SPPL2C: variants seen among roughly 807,000 people sequenced by gnomAD.
SPPL2C encodes the protein signal peptide peptidase-like 2C.
SPPL2C carries 33 observed loss-of-function variants against 38.8 expected under a neutral mutation model. That is an observed-to-expected ratio of 0.85 (90% confidence interval 0.64 to 1.14). SPPL2C has a LOEUF of 1.14. Among genes scored for constraint, SPPL2C ranks in the 50% most tolerant of loss-of-function variants. SPPL2C has a pLI of 0.00. For missense variants in SPPL2C, 899 were observed against 904.4 expected (o/e 0.99, Z 0.08); for synonymous variants, 384 against 390.7 (o/e 0.98, Z 0.20).
rs748704800 is a variant in SPPL2C at position 45,846,750 on chromosome 17, C to G, written c.1844C>G (p.Pro615Arg). The G allele has an allele frequency of 1.5e-5, 25 of 1,614,074 alleles. No homozygotes were observed. In the Middle Eastern group the frequency reaches 4.9e-4, roughly 32 times the overall value. ...SDAHLDPNELPFIPPGASEEL... is the reference protein window; with the variant it reads ...SDAHLDPNELRFIPPGASEEL... ...GCCCACTTGGATCCTAATGAGCTGC[C>G]CTTCATCCCCCCTGGGGCCTCGGAG... Residue 615 changes from proline to arginine, a missense_variant, in exon 1 of 1, where the codon CCC becomes CGC. Physicochemically the swap from Pro to Arg is moderately radical, Grantham distance 103. Transcript: ENST00000329196.
rs146054714 is a variant in SPPL2C at position 45,845,565 on chromosome 17, G to A, written c.659G>A (p.Arg220Lys). The change falls in exon 1 of 1, where the codon AGA (arginine) becomes AAA (lysine). Residue 220 changes from arginine to lysine, a missense_variant. Physicochemically the swap from Arg to Lys is conservative, Grantham distance 26. Transcript: ENST00000329196. ...CGGCTACAGCGGCGCCGTGCCCGAAGAGGAGGGGGGTCTGGTGGTCACCAT... is the reference window on the plus strand; with the variant it reads ...CGGCTACAGCGGCGCCGTGCCCGAAAAGGAGGGGGGTCTGGTGGTCACCAT... ...ANRLQRRRAR[R>K]GGGSGGHHQL... The A allele has an allele frequency of 1.2e-6, 2 of 1,603,788 alleles. No homozygotes were observed. The highest frequency in any genetic ancestry group is 2.7e-5 in the African/African-American group (2 of 74,794).
In SPPL2C at chr17:45,846,030, G is replaced by T. The variant is rs141910280; in HGVS notation, c.1124G>T (p.Cys375Phe). The T allele has an allele frequency of 5.0e-6, 8 of 1,614,042 alleles. No homozygotes were observed. The highest frequency in any genetic ancestry group is 6.8e-6 in the Non-Finnish European group (8 of 1,180,030). ...GTGCGGCTGCCCACTCTCAAGAACT[G>T]CTCCTCCTTCCTGCTGGCCCTGCTG... Reference protein sequence around the residue: ...HRVRLPTLKNCSSFLLALLAF... With the variant: ...HRVRLPTLKNFSSFLLALLAF... The change falls in exon 1 of 1, where the codon TGC becomes TTC. Residue 375 changes from cysteine (C) to phenylalanine (F), a missense_variant. Transcript: ENST00000329196.
At position 45,845,950 on chromosome 17, in the gene SPPL2C, G is replaced by A. The variant is rs377723590; in HGVS notation, c.1044G>A (p.Ala348=). The change falls in exon 1 of 1, where the codon GCG becomes GCA. Residue 348 remains alanine, a synonymous_variant. Transcript: ENST00000329196. ...CCTACCGCAATGAGGACCGCTGGGCGTGGCTCCTGCAGGACACACTGGGCA... is the reference window on the plus strand; with the variant it reads ...CCTACCGCAATGAGGACCGCTGGGCATGGCTCCTGCAGGACACACTGGGCA... The part of the protein sequence containing the change: ...WVAYRNEDRW[A]WLLQDTLGIS... 3.3e-5 allele frequency: 53 copies of A among 1,610,356 alleles called. No individual in the cohort carries two copies. The highest frequency in any genetic ancestry group is 4.5e-5 in the East Asian group (2 of 44,896).
Position 45,845,600 on chromosome 17 carries a change from G to A in SPPL2C, c.694G>A (p.Glu232Lys). 2 of 1,609,560 alleles carry A rather than the reference G, an allele frequency of 1.2e-6. No individual in the cohort carries two copies. Among genetic ancestry groups the A allele is most frequent in the African/African-American group, 1.3e-5 (1 of 75,008 alleles). ...GGSGGHHQLQEAAAAEGAQKE... is the reference protein window; with the variant it reads ...GGSGGHHQLQKAAAAEGAQKE... ...GTCTGGTGGTCACCATCAGCTGCAG[G>A]AAGCTGCAGCAGCTGAGGGAGCCCA... Residue 232 changes from glutamate (E) to lysine (K), a missense_variant, in exon 1 of 1, where the codon GAA becomes AAA. Physicochemically the swap from Glu to Lys is moderately conservative, Grantham distance 56. Transcript: ENST00000329196.
chr17:45,846,724 C>G lies in SPPL2C; in HGVS notation c.1818C>G (p.Asp606Glu), dbSNP rs374530875. 1 of 1,614,206 alleles carries G rather than the reference C, an allele frequency of 6.2e-7. No individual in the cohort carries two copies. Among genetic ancestry groups the G allele is most frequent in the Non-Finnish European group, 8.5e-7 (1 of 1,180,050 alleles). Residue 606 changes from aspartate (D) to glutamate (E), a missense_variant, in exon 1 of 1, where the codon GAC becomes GAG. By Grantham distance (45) the Asp-to-Glu change is conservative (BLOSUM62 2). Coordinates refer to ENST00000329196, the MANE Select transcript of SPPL2C (RefSeq NM_175882.3). Reference sequence around the variant, plus strand: ...GTGATAGCTCCGAGGGCTGGAGTGACGCCCACTTGGATCCTAATGAGCTGC... The same window carrying G: ...GTGATAGCTCCGAGGGCTGGAGTGAGGCCCACTTGGATCCTAATGAGCTGC... ...DRSDSSEGWSDAHLDPNELPF... is the reference protein window; with the variant it reads ...DRSDSSEGWSEAHLDPNELPF...
chr17:45,845,065 G>A lies in SPPL2C; in HGVS notation c.159G>A (p.Leu53=). Residue 53 remains leucine, a synonymous_variant, in exon 1 of 1, where the codon CTG becomes CTA. Transcript: ENST00000329196. The part of the protein sequence containing the change: ...SSDYITLPRD[L]HHAPLLPLYD... ...ACTACATCACCCTCCCCCGGGACCT[G>A]CACCACGCCCCACTCCTGCCCCTGT... 6.2e-7 allele frequency: 1 copy of A among 1,614,058 alleles called. No homozygotes were observed. The highest frequency in any genetic ancestry group is 8.5e-7 in the Non-Finnish European group (1 of 1,179,974).
Position 45,845,844 on chromosome 17 carries a change from C to T in SPPL2C, c.938C>T (p.Pro313Leu), listed in dbSNP as rs1248867414. ...TCCCTGCGGCAATACCAGAGGCCTCCGCACAGCCTCTGGGCCTCTCTGCCG... is the reference window on the plus strand; with the variant it reads ...TCCCTGCGGCAATACCAGAGGCCTCTGCACAGCCTCTGGGCCTCTCTGCCG... The part of the protein sequence containing the change: ...RLSLRQYQRP[P>L]HSLWASLPLP... Residue 313 changes from proline to leucine, a missense_variant, in exon 1 of 1, where the codon CCG becomes CTG. By Grantham distance (98) the Pro-to-Leu change is moderately conservative. Coordinates refer to ENST00000329196, the MANE Select transcript of SPPL2C (RefSeq NM_175882.3). 9 of 1,606,020 alleles carry T rather than the reference C, an allele frequency of 5.6e-6. No homozygotes were observed. In the Admixed American group the frequency reaches 6.7e-5, roughly 12 times the overall value.
In SPPL2C at chr17:45,845,698, C is replaced by T; in HGVS notation, c.792C>T (p.Cys264=). The T allele has an allele frequency of 6.2e-7, 1 of 1,613,834 alleles. No individual in the cohort carries two copies. The highest frequency in any genetic ancestry group is 8.5e-7 in the Non-Finnish European group (1 of 1,180,042). The change falls in exon 1 of 1, where the codon TGC becomes TGT. Residue 264 remains cysteine, a synonymous_variant. Transcript: ENST00000329196. ...CAGGCGTGGTGGTCACCCTGTCCTG[C>T]TCGCTCATGCTGCTGCTCTACTTCT... is the stretch of plus-strand genomic sequence containing the variant. The part of the protein sequence containing the change: ...AMTGVVVTLS[C]SLMLLLYFFY...
Position 45,845,690 on chromosome 17 carries a change from C to A in SPPL2C, c.784C>A (p.Leu262Met), listed in dbSNP as rs1182022665. ...TPAMTGVVVT[L>M]SCSLMLLLYF... The stretch of plus-strand genomic sequence containing the variant: ...GGCCATGACAGGCGTGGTGGTCACC[C>A]TGTCCTGCTCGCTCATGCTGCTGCT... The change falls in exon 1 of 1, where the codon CTG becomes ATG. Residue 262 changes from leucine to methionine, a missense_variant. By Grantham distance (15) the Leu-to-Met change is conservative. Transcript: ENST00000329196. 2 of 1,613,826 alleles carry A rather than the reference C, an allele frequency of 1.2e-6. No homozygotes were observed. The highest frequency in any genetic ancestry group is 8.5e-7 in the Non-Finnish European group (1 of 1,180,036).
Position 45,846,317 on chromosome 17 carries a change from A to G in SPPL2C, c.1411A>G (p.Ile471Val), listed in dbSNP as rs12185268. ...RFDVQVCSRQ[I>V]YFVACTVAYA... ...TGATGTGCAAGTCTGCTCCCGTCAG[A>G]TCTACTTCGTGGCCTGCACCGTGGC... The change falls in exon 1 of 1, where the codon ATC (isoleucine) becomes GTC (valine). Residue 471 changes from isoleucine (I) to valine (V), a missense_variant. Physicochemically the swap from Ile to Val is conservative, Grantham distance 29. Coordinates refer to ENST00000329196, the MANE Select transcript of SPPL2C (RefSeq NM_175882.3). 0.19 allele frequency: 304,589 copies of G among 1,613,976 alleles called. 32,784 individuals are homozygous for G. Among genetic ancestry groups the G allele is most frequent in the Non-Finnish European group, 0.22 (261,366 of 1,179,982 alleles).
In SPPL2C at chr17:45,846,795, C is replaced by T. The variant is rs917394476; in HGVS notation, c.1889C>T (p.Pro630Leu). Residue 630 changes from proline to leucine, a missense_variant, in exon 1 of 1, where the codon CCA becomes CTA. Physicochemically the swap from Pro to Leu is moderately conservative, Grantham distance 98. Transcript: ENST00000329196. ...GASEELMPLM[P>L]MAMLIPLMPL... ...TCGGAGGAGCTGATGCCACTGATGC[C>T]AATGGCCATGCTGATCCCACTCATG... 2 of 1,613,996 alleles carry T rather than the reference C, an allele frequency of 1.2e-6. No individual in the cohort carries two copies. Among genetic ancestry groups the T allele is most frequent in the Non-Finnish European group, 1.7e-6 (2 of 1,180,014 alleles).
Position 45,845,917 on chromosome 17 carries a change from C to T in SPPL2C, c.1011C>T (p.Phe337=). Residue 337 remains phenylalanine (F), a synonymous_variant, in exon 1 of 1, where the codon TTC becomes TTT. Coordinates refer to ENST00000329196, the MANE Select transcript of SPPL2C (RefSeq NM_175882.3). ...LASLCATVII[F]WVAYRNEDRW... is the part of the protein sequence containing the mutation. Reference sequence around the variant, plus strand: ...GCCTGTGCGCAACCGTGATCATCTTCTGGGTGGCCTACCGCAATGAGGACC... The same window carrying T: ...GCCTGTGCGCAACCGTGATCATCTTTTGGGTGGCCTACCGCAATGAGGACC... The T allele has an allele frequency of 1.9e-6, 3 of 1,607,892 alleles. No individual in the cohort carries two copies. Among genetic ancestry groups the T allele is most frequent in the Non-Finnish European group, 2.5e-6 (3 of 1,180,014 alleles).
In SPPL2C at chr17:45,844,930, C is replaced by T; in HGVS notation, c.24C>T (p.Leu8=). The T allele has an allele frequency of 6.2e-7, 1 of 1,609,022 alleles. No individual in the cohort carries two copies. The highest frequency in any genetic ancestry group is 8.5e-7 in the Non-Finnish European group (1 of 1,176,260). The change falls in exon 1 of 1, where the codon CTC becomes CTT. Residue 8 remains leucine (L), a synonymous_variant. Transcript: ENST00000329196. Reference sequence around the variant, plus strand: ...AGATGGCGTGCCTGGGCTTCCTCCTCCCCGTGGGCTTCCTCCTCCTCATCA... The same window carrying T: ...AGATGGCGTGCCTGGGCTTCCTCCTTCCCGTGGGCTTCCTCCTCCTCATCA... MACLGFL[L]PVGFLLLIST...
chr17:45,846,907 C>G lies in SPPL2C; in HGVS notation c.2001C>G (p.His667Gln). The G allele has an allele frequency of 6.3e-7, 1 of 1,596,378 alleles. No homozygotes were observed. The change falls in exon 1 of 1, where the codon CAC (histidine) becomes CAG (glutamine). Residue 667 changes from histidine to glutamine, a missense_variant. Coordinates refer to ENST00000329196, the MANE Select transcript of SPPL2C (RefSeq NM_175882.3). The part of the protein sequence containing the change: ...HETGLPWAGL[H>Q]KRKGLKVRKS... ...CTGGCCTGCCCTGGGCGGGACTCCA[C>G]AAGAGGAAGGGTTTGAAAGTAAGAA... is the stretch of plus-strand genomic sequence containing the variant.
rs771077476 is a variant in SPPL2C at position 45,846,692 on chromosome 17, G to A, written c.1786G>A (p.Asp596Asn). Reference protein sequence around the residue: ...ISENEATNPEDRSDSSEGWSD... With the variant: ...ISENEATNPENRSDSSEGWSD... ...TGAGAATGAAGCCACCAATCCAGAG[G>A]ACCGCAGTGATAGCTCCGAGGGCTG... Residue 596 changes from aspartate to asparagine, a missense_variant, in exon 1 of 1, where the codon GAC becomes AAC. Coordinates refer to ENST00000329196, the MANE Select transcript of SPPL2C (RefSeq NM_175882.3). The A allele has an allele frequency of 6.2e-6, 10 of 1,614,206 alleles. No homozygotes were observed. In the East Asian group the frequency reaches 1.6e-4, roughly 25 times the overall value.
At position 45,845,894 on chromosome 17, in the gene SPPL2C, C is replaced by A. The variant is rs369966982; in HGVS notation, c.988C>A (p.Leu330Met). 1 of 1,606,500 alleles carries A rather than the reference C, an allele frequency of 6.2e-7. No homozygotes were observed. The highest frequency in any genetic ancestry group is 2.2e-5 in the East Asian group (1 of 44,874). Reference sequence around the variant, plus strand: ...GCTGCCTCTGCTGCTGCTGGCGAGCCTGTGCGCAACCGTGATCATCTTCTG... The same window carrying A: ...GCTGCCTCTGCTGCTGCTGGCGAGCATGTGCGCAACCGTGATCATCTTCTG... Reference protein sequence around the residue: ...LPLPLLLLASLCATVIIFWVA... With the variant: ...LPLPLLLLASMCATVIIFWVA... The change falls in exon 1 of 1, where the codon CTG becomes ATG. Residue 330 changes from leucine to methionine, a missense_variant. Physicochemically the swap from Leu to Met is conservative, Grantham distance 15 (BLOSUM62 2). Coordinates refer to ENST00000329196, the MANE Select transcript of SPPL2C (RefSeq NM_175882.3).
At position 45,846,113 on chromosome 17, in the gene SPPL2C, A is replaced by G; in HGVS notation, c.1207A>G (p.Ile403Val). Residue 403 changes from isoleucine to valine, a missense_variant, in exon 1 of 1, where the codon ATC (isoleucine) becomes GTC (valine). By Grantham distance (29) the Ile-to-Val change is conservative. Coordinates refer to ENST00000329196, the MANE Select transcript of SPPL2C (RefSeq NM_175882.3). ...TPFFTKTGES[I>V]MAQVALGPAE... ...CTTCTTCACCAAAACCGGTGAGAGC[A>G]TCATGGCGCAGGTTGCCTTGGGCCC... is the stretch of plus-strand genomic sequence containing the variant. 6.2e-7 allele frequency: 1 copy of G among 1,614,122 alleles called. No homozygotes were observed. Among genetic ancestry groups the G allele is most frequent in the Non-Finnish European group, 8.5e-7 (1 of 1,180,014 alleles).
At position 45,844,912 on chromosome 17, in the gene SPPL2C, G is replaced by C; in HGVS notation, c.6G>C (p.Ala2=). Residue 2 remains alanine, a synonymous_variant, in exon 1 of 1, where the codon GCG becomes GCC. Transcript: ENST00000329196. M[A]CLGFLLPVGF... is the part of the protein sequence containing the mutation. ...TGCAGTAGGAACTGAAGAAGATGGC[G>C]TGCCTGGGCTTCCTCCTCCCCGTGG... is the stretch of plus-strand genomic sequence containing the variant. The C allele has an allele frequency of 6.2e-7, 1 of 1,601,150 alleles. No homozygotes were observed. The highest frequency in any genetic ancestry group is 8.5e-7 in the Non-Finnish European group (1 of 1,170,826).
chr17:45,846,432 T>G lies in SPPL2C; in HGVS notation c.1526T>G (p.Leu509Arg). 2 of 1,613,212 alleles carry G rather than the reference T, an allele frequency of 1.2e-6. No individual in the cohort carries two copies. The highest frequency in any genetic ancestry group is 1.7e-6 in the Non-Finnish European group (2 of 1,180,032). ...PALLYLVSST[L>R]LTSLAVAACR... ...TTGCTCTACCTAGTGTCCAGCACCC[T>G]GCTCACCAGCCTGGCTGTGGCTGCC... Residue 509 changes from leucine to arginine, a missense_variant, in exon 1 of 1, where the codon CTG becomes CGG. Transcript: ENST00000329196.
Sources: gnomAD v4.1 joint callset for allele counts on GRCh38, gnomAD v4.1.1 for gene constraint, MANE v1.5 for transcripts, NCBI Gene and HGNC (gene_info 2026-07-23, HGNC 2026-07-21) for gene names.